The following NXPH1 variants were observed in gnomAD, a reference collection of about 807,000 sequenced individuals.
NXPH1 encodes the protein neurexophilin 1, also known as neurexophilin-1.
Under a neutral mutation model 23.7 loss-of-function variants are expected in NXPH1, and 5 were observed. The observed-to-expected ratio is 0.21, with a 90% confidence interval of 0.11 to 0.44. The LOEUF (loss-of-function observed/expected upper bound fraction) is 0.44. NXPH1 is among the 20% of genes least tolerant of loss of function. The pLI is 0.99. For synonymous variants in NXPH1, 144 were observed against 122.2 expected, an observed-to-expected ratio of 1.18 and a Z score of -1.18; for missense variants, 324 against 321.6, an observed-to-expected ratio of 1.01 and a Z score of -0.06.
intron 2 of NXPH1, among the ~76,000 whole-genome samples, chr7:8,540,337 C>T (rs200536908): frequency 2.6e-5 from 4 of 151,802 alleles, no homozygotes; most frequent in African/African-American, 9.7e-5. Flanking sequence ...CAAATTTACA[C>T]TGAAACAACC....
intron 2 of NXPH1, among the ~76,000 whole-genome samples, chr7:8,575,806 G>A (rs1818744179): frequency 6.6e-6 from 1 of 151,760 alleles, no homozygotes; most frequent in South Asian, 2.1e-4. Flanking sequence ...AGCTAGCTAT[G>A]GCTTATGTAT....
intron 2 of NXPH1, among the ~76,000 whole-genome samples, chr7:8,510,110 A>G (rs975625776): frequency 5.9e-5 from 9 of 152,162 alleles, no homozygotes; most frequent in African/African-American, 2.2e-4. Flanking sequence ...GATGGCTGGG[A>G]AAATTGTTCA....
intron 2 of NXPH1, among the ~76,000 whole-genome samples, chr7:8,606,897 AT>A (rs1225081648): frequency 6.6e-6 from 1 of 151,928 alleles, no homozygotes; most frequent in Non-Finnish European, 1.5e-5. Flanking sequence ...AAATATTTTT[AT>A]TTTTTTCTAG....
chr7:8,525,542 C>T (rs939632935), intron 2 of NXPH1, among the ~76,000 whole-genome samples: 34 of 152,124 alleles, frequency 2.2e-4, no homozygotes, highest in Middle Eastern at 3.2e-3. Context: ...ATAACTTCAC[C>T]GCGGTCCCCT....
intron 2 of NXPH1, among the ~76,000 whole-genome samples, chr7:8,711,946 G>C (rs574849491): frequency 2.4e-4 from 37 of 152,364 alleles, no homozygotes; most frequent in African/African-American, 7.7e-4. Flanking sequence ...ATGCCATCCA[G>C]TTGTGAGGCA....
intron 2 of NXPH1, among the ~76,000 whole-genome samples, chr7:8,491,570 A>T (rs1817248371): frequency 6.6e-6 from 1 of 152,042 alleles, no homozygotes; most frequent in South Asian, 2.1e-4. Context: ...ACTAGTAAAA[A>T]CACAAATATT....
chr7:8,725,119 G>C (rs1012798923), intron 2 of NXPH1, among the ~76,000 whole-genome samples: 1 of 152,126 alleles, frequency 6.6e-6, no homozygotes, highest in African/African-American at 2.4e-5. Flanking sequence ...AATTCTCAAG[G>C]GAATAGTTTT....
At chr7:8,611,938 G>A (rs908030032) in intron 2 of NXPH1, among the ~76,000 whole-genome samples, 4 of 152,006 alleles carry the variant, frequency 2.6e-5, no homozygotes, top group Non-Finnish European at 2.9e-5. Flanking sequence ...AGTTCCCAGC[G>A]TGCATGTAAC....
At chr7:8,704,414 A>G (rs1253122085) in intron 2 of NXPH1, among the ~76,000 whole-genome samples, 1 of 152,182 alleles carries the variant, frequency 6.6e-6, no homozygotes, top group Admixed American at 6.5e-5. Flanking sequence ...GAGAGATCCC[A>G]AAGGACATTC....
Position 8,435,537 on chromosome 7 carries a change from C to T in NXPH1, c.-110-67C>T, listed in dbSNP as rs888567494. 4.2e-5 allele frequency: 25 copies of T among 598,106 alleles called. No homozygotes were observed. The Admixed American group carries it at 5.8e-4, about 14-fold the overall frequency. The allele number at this position is 598,106 out of a possible 1,614,324, so 37.0% of individuals were successfully genotyped here. ...CCACTCCCCGCTACGACCCCCTTTC[C>T]CCGCTTGATTGTCAAGCCTAACCTT... On this transcript the variant is annotated intron_variant, in intron 1 of 2. Transcript: ENST00000405863. The surrounding 1 kb of genome is among the most constrained non-coding windows in gnomAD (Gnocchi z 5.9).
intron 2 of NXPH1, among the ~76,000 whole-genome samples, chr7:8,656,546 T>C (rs1258270825): frequency 6.6e-6 from 1 of 151,758 alleles, no homozygotes; most frequent in Non-Finnish European, 1.5e-5. Context: ...TTTTTCTTTT[T>C]TTTTTTATTA....
intron 2 of NXPH1, among the ~76,000 whole-genome samples, chr7:8,631,859 A>G (rs1293918713): frequency 6.6e-6 from 1 of 152,212 alleles, no homozygotes; most frequent in East Asian, 1.9e-4. Context: ...ACACAGCACT[A>G]AAAACTATAA....
intron 2 of NXPH1, among the ~76,000 whole-genome samples, chr7:8,521,000 C>T (rs968796196): frequency 3.3e-5 from 5 of 152,142 alleles, no homozygotes; most frequent in African/African-American, 1.2e-4. Context: ...TTTTCTGCAG[C>T]TAGATGTTGG....
At chr7:8,729,253 G>A (rs1458399039) in intron 2 of NXPH1, among the ~76,000 whole-genome samples, 1 of 149,146 alleles carries the variant, frequency 6.7e-6, no homozygotes, top group East Asian at 1.9e-4. Context: ...AGTCTTGCTA[G>A]CGGTCTATCA....
intron 2 of NXPH1, among the ~76,000 whole-genome samples, chr7:8,734,715 G>T (rs1780218941): frequency 1.3e-5 from 2 of 152,228 alleles, no homozygotes; most frequent in Middle Eastern, 3.4e-3. Context: ...GGTCCTCTCG[G>T]TCCAGAGCTG....
chr7:8,687,701 A>G lies in NXPH1; in HGVS notation c.55-63307A>G, dbSNP rs912784323. Among the ~76,000 whole-genome samples, 4 of 152,174 alleles carry G rather than the reference A, an allele frequency of 2.6e-5. No individual in the cohort carries two copies. In the East Asian group the frequency reaches 7.7e-4, roughly 29 times the overall value. ...AAATAGAGATAATAACCTTGATGAG[A>G]TTTTTACGGAGCAATATGATGATAT... On this transcript the variant is annotated intron_variant, in intron 2 of 2. Coordinates refer to ENST00000405863, the MANE Select transcript of NXPH1 (RefSeq NM_152745.3).
At chr7:8,521,746 A>G (rs547485498) in intron 2 of NXPH1, among the ~76,000 whole-genome samples, 2 of 152,308 alleles carry the variant, frequency 1.3e-5, no homozygotes, top group South Asian at 2.1e-4. Context: ...TTAAATGGCA[A>G]TGTAAGACAA....
At chr7:8,678,928 ATTTTTTTTTTTTTTTTT>A (rs540056222) in intron 2 of NXPH1, among the ~76,000 whole-genome samples, 29 of 68,798 alleles carry the variant, frequency 4.2e-4, no homozygotes, top group East Asian at 7.6e-4. Context: ...GCTTTATCCA[ATTTTTTTTTTTTTTTTT>A]TTTTTTTTTT....
At chr7:8,517,960 CT>C (rs1817715210) in intron 2 of NXPH1, among the ~76,000 whole-genome samples, 1 of 152,096 alleles carries the variant, frequency 6.6e-6, no homozygotes, top group Non-Finnish European at 1.5e-5. Context: ...GAAGCAGTTT[CT>C]TTCCACCACT....
Sources: gnomAD v4.1 joint callset for allele counts (sites outside exome capture counted in the v4.1 genomes callset) on GRCh38, gnomAD v4.1.1 for gene constraint, Gnocchi (gnomAD v3.1) non-coding constraint, MANE v1.5 for transcripts, NCBI Gene and HGNC (gene_info 2026-07-23, HGNC 2026-07-21) for gene names.